The following CHL1 variants were observed in gnomAD, a reference collection of about 807,000 sequenced individuals.
CHL1 encodes cell adhesion molecule L1 like.
A neutral mutation model predicts 141.9 loss-of-function variants in CHL1; 96 were observed. The observed-to-expected ratio is 0.68, with a 90% confidence interval of 0.57 to 0.80. CHL1 has a LOEUF of 0.80. Among genes scored for constraint, CHL1 ranks in the 30% least tolerant of loss-of-function variants. The probability of loss-of-function intolerance (pLI) is 0.00; values close to 1 mark genes in which losing one functional copy is unlikely to be tolerated. For missense variants in CHL1, 1,820 were observed against 1,457.2 expected (o/e 1.25, Z -4.05); for synonymous variants, 613 against 502.2 (o/e 1.22, Z -2.95).
At chr3:390,928 A>T in intron 21 of CHL1, 27 bp from the exon 22 acceptor site, 3 of 1,595,390 alleles carry the variant, frequency 1.9e-6, no homozygotes, top group Non-Finnish European at 1.7e-6. Context: ...CAATGGATAT[A>T]CTAAAAGATT....
chr3:255,296 G>A (rs542685381), intron 2 of CHL1, among the ~76,000 whole-genome samples: 65 of 152,190 alleles, frequency 4.3e-4, no homozygotes, highest in Non-Finnish European at 6.6e-4. Flanking sequence ...TGGAGTCCCA[G>A]CTGCTAGGAT....
intron 5 of CHL1, among the ~76,000 whole-genome samples, chr3:330,261 G>A (rs1251701570): frequency 6.6e-6 from 1 of 151,984 alleles, no homozygotes; most frequent in Non-Finnish European, 1.5e-5. Flanking sequence ...CAAATGGTAA[G>A]GAAAATAGAA....
At chr3:351,049 C>T (rs1703212244) in intron 10 of CHL1, among the ~76,000 whole-genome samples, 1 of 152,136 alleles carries the variant, frequency 6.6e-6, no homozygotes, top group African/African-American at 2.4e-5. Flanking sequence ...TTAGATTCTC[C>T]TCCAAGTTGC....
chr3:364,899 G>C (rs1383194554), intron 14 of CHL1, among the ~76,000 whole-genome samples: 2 of 152,154 alleles, frequency 1.3e-5, no homozygotes, highest in African/African-American at 4.8e-5. Context: ...TTACTTAGCA[G>C]AGCCCTGATA....
At chr3:382,325 A>G (rs748044299) in intron 17 of CHL1, 45 bp downstream of exon 17, 13 of 1,551,596 alleles carry the variant, frequency 8.4e-6, no homozygotes, top group Non-Finnish European at 1.2e-5. Flanking sequence ...TAGATAGTCA[A>G]AATTAATAGC....
chr3:343,265 G>T (rs950565252), intron 8 of CHL1, among the ~76,000 whole-genome samples: 1 of 152,032 alleles, frequency 6.6e-6, no homozygotes, highest in African/African-American at 2.4e-5. Context: ...ATAATGCATT[G>T]AATAGACAGA....
chr3:214,878 T>C (rs331868), intron 1 of CHL1, among the ~76,000 whole-genome samples: 147,264 of 152,208 alleles, frequency 0.97, 71,349 homozygotes, highest in East Asian at 1. Flanking sequence ...TAATTATGTA[T>C]GCCTAATGAG....
intron 11 of CHL1, among the ~76,000 whole-genome samples, chr3:358,228 C>A (rs1267949549): frequency 6.6e-6 from 1 of 152,098 alleles, no homozygotes; most frequent in African/African-American, 2.4e-5. Context: ...TTTGCCTTTT[C>A]CAGCTTTTCC....
chr3:349,407 G>A lies in CHL1; in HGVS notation c.897G>A (p.Lys299=), dbSNP rs368796474. 2 of 1,613,906 alleles carry A rather than the reference G, an allele frequency of 1.2e-6. No homozygotes were observed. The highest frequency in any genetic ancestry group is 1.7e-6 in the Non-Finnish European group (2 of 1,179,836). The change falls in exon 10 of 28, where the codon AAG becomes AAA. Residue 299 remains lysine, a synonymous_variant. Transcript: ENST00000256509. ...DWNKIGGDLP[K]GRETKENYGK... ...ACAAAATTGGTGGTGACTTACCAAA[G>A]GGGAGAGAAACAAAAGAAAATTATG...
At chr3:324,213 T>C (rs972864117) in intron 3 of CHL1, among the ~76,000 whole-genome samples, 1 of 152,112 alleles carries the variant, frequency 6.6e-6, no homozygotes, top group Non-Finnish European at 1.5e-5. Flanking sequence ...GTTCAGGGCC[T>C]GGTCCAATGT....
intron 5 of CHL1, among the ~76,000 whole-genome samples, chr3:329,935 A>G (rs1177772508): frequency 6.6e-6 from 1 of 152,104 alleles, no homozygotes; most frequent in Non-Finnish European, 1.5e-5. Context: ...AATTCACCAT[A>G]ATAATGAGAT....
At chr3:377,039 T>G (rs1435898740) in intron 15 of CHL1, among the ~76,000 whole-genome samples, 1 of 152,244 alleles carries the variant, frequency 6.6e-6, no homozygotes, top group African/African-American at 2.4e-5. Context: ...ATGACACTAT[T>G]TAAGTTATTT....
At chr3:336,982 C>T (rs1257130870) in intron 5 of CHL1, among the ~76,000 whole-genome samples, 1 of 152,152 alleles carries the variant, frequency 6.6e-6, no homozygotes, top group African/African-American at 2.4e-5. Flanking sequence ...TTGAATGTCA[C>T]TTATACCCTT....
chr3:332,362 A>G (rs922961029), intron 5 of CHL1, among the ~76,000 whole-genome samples: 3 of 152,220 alleles, frequency 2.0e-5, no homozygotes, highest in Non-Finnish European at 4.4e-5. Context: ...AGAGAATGAT[A>G]AAAACAATAT....
At chr3:213,367 A>AGTTTT (rs1224768775) in intron 1 of CHL1, 1 of 152,172 alleles carries the variant, frequency 6.6e-6, no homozygotes, top group Admixed American at 6.5e-5. Flanking sequence ...TTCCTTCTCC[A>AGTTTT]GTTTTGTTCC....
intron 2 of CHL1, among the ~76,000 whole-genome samples, chr3:260,085 T>A (rs1201617781): frequency 6.6e-6 from 1 of 152,062 alleles, no homozygotes; most frequent in African/African-American, 2.4e-5. Flanking sequence ...GCCAGCATGA[T>A]GAAACCCTGT....
intron 2 of CHL1, among the ~76,000 whole-genome samples, chr3:285,562 C>T (rs760688136): frequency 6.6e-6 from 1 of 152,120 alleles, no homozygotes; most frequent in Non-Finnish European, 1.5e-5. Context: ...CACTGGGCTC[C>T]AGAGAAGAAG....
Position 361,726 on chromosome 3 carries a change from A to G in CHL1, c.1334A>G (p.Asp445Gly). The change falls in exon 13 of 28, where the codon GAT (aspartate) becomes GGT (glycine). Residue 445 changes from aspartate to glycine, a missense_variant. By Grantham distance (94) the Asp-to-Gly change is moderately conservative. Transcript: ENST00000256509. ...GTCCGTCCATTGATACAAACCAAAGATGGAGAAAATTACGCTACAGTGGTT... is the reference window on the plus strand; with the variant it reads ...GTCCGTCCATTGATACAAACCAAAGGTGGAGAAAATTACGCTACAGTGGTT... The part of the protein sequence containing the change: ...VDVRPLIQTK[D>G]GENYATVVGY... 1 of 1,613,380 alleles carries G rather than the reference A, an allele frequency of 6.2e-7. No homozygotes were observed. The highest frequency in any genetic ancestry group is 8.5e-7 in the Non-Finnish European group (1 of 1,179,392).
At chr3:274,333 C>T (rs2125258963) in intron 2 of CHL1, among the ~76,000 whole-genome samples, 1 of 152,286 alleles carries the variant, frequency 6.6e-6, no homozygotes, top group African/African-American at 2.4e-5. Flanking sequence ...ACATATACCC[C>T]ACACACATTC....
Sources: allele counts gnomAD v4.1 joint callset (sites outside exome capture counted in the v4.1 genomes callset), GRCh38; gene constraint gnomAD v4.1.1; transcripts MANE v1.5; gene names NCBI Gene and HGNC (gene_info 2026-07-23, HGNC 2026-07-21).